The following STK4 variants were observed in gnomAD, a reference collection of about 807,000 sequenced individuals.
STK4 encodes serine/threonine kinase 4, also known as serine/threonine-protein kinase 4.
A neutral mutation model predicts 64.9 loss-of-function variants in STK4; 30 were observed. The ratio of observed to expected loss-of-function variants is 0.46; its 90% CI spans 0.35 to 0.63. STK4 has a LOEUF of 0.63. STK4 is among the 20% of genes least tolerant of loss of function. The pLI is 0.01. For missense variants in STK4, 466 were observed against 598.5 expected (o/e 0.78, Z 2.31); for synonymous variants, 177 against 199.0 (o/e 0.89, Z 0.93).
At chr20:44,969,662 G>A (rs2067211303) in intron 1 of STK4, among the ~76,000 whole-genome samples, 1 of 152,198 alleles carries the variant, frequency 6.6e-6, no homozygotes, top group African/African-American at 2.4e-5. Flanking sequence ...CTTAGGAGAG[G>A]AGCATCCACC....
chr20:45,015,175 T>C (rs772245273), intron 9 of STK4, among the ~76,000 whole-genome samples: 1 of 152,250 alleles, frequency 6.6e-6, no homozygotes, highest in Non-Finnish European at 1.5e-5. Context: ...TTCCTCATGT[T>C]GAAATCAGGT....
In STK4 at chr20:45,078,967, A is replaced by C. The variant is rs1225726164; in HGVS notation, c.*3791A>C. 6.6e-6 allele frequency: 1 copy of C among 152,150 alleles called. No homozygotes were observed. Among genetic ancestry groups the C allele is most frequent in the Non-Finnish European group, 1.5e-5 (1 of 68,032 alleles). The allele number at this position is 152,150 out of a possible 1,614,324, so 9.4% of individuals were successfully genotyped here. On this transcript the variant is annotated 3_prime_UTR_variant, in exon 11 of 11. Transcript: ENST00000372806. ...TTCAACATCATAAACAAATTCCTTG[A>C]AAAATAAAAAGTACCAAAATTCATT...
intron 9 of STK4, among the ~76,000 whole-genome samples, chr20:45,015,312 G>A (rs944405209): frequency 3.9e-5 from 6 of 152,130 alleles, no homozygotes; most frequent in Non-Finnish European, 8.8e-5. Context: ...GTTTGAAAGG[G>A]GTTGTTAGAA....
chr20:44,968,284 C>T lies in STK4; in HGVS notation c.35+1681C>T, dbSNP rs760732509. ...TCCTGTGTAACTGGGACCACAGGTG[C>T]GTGCCACCACGCCTGGCTAATTTTT... On this transcript the variant is annotated intron_variant, in intron 1 of 10. Coordinates refer to ENST00000372806, the MANE Select transcript of STK4 (RefSeq NM_006282.5). Among the ~76,000 whole-genome samples the T allele has an allele frequency of 7.9e-4, 120 of 152,150 alleles. 1 individual carries two copies. Among genetic ancestry groups the T allele is most frequent in the Non-Finnish European group, 3.4e-4 (23 of 68,024 alleles).
At chr20:45,048,627 T>C (rs180912575) in intron 10 of STK4, among the ~76,000 whole-genome samples, 1 of 152,096 alleles carries the variant, frequency 6.6e-6, no homozygotes, top group East Asian at 1.9e-4. Context: ...TGCCTCAGCC[T>C]CCCGCCACCA....
intron 10 of STK4, among the ~76,000 whole-genome samples, chr20:45,032,406 G>C (rs1354816750): frequency 6.6e-6 from 1 of 152,068 alleles, no homozygotes; most frequent in South Asian, 2.1e-4. Flanking sequence ...GTAGTTTTTC[G>C]ATCCTCACCC....
At chr20:45,023,417 T>G (rs1254280910) in intron 9 of STK4, among the ~76,000 whole-genome samples, 2 of 151,964 alleles carry the variant, frequency 1.3e-5, no homozygotes, top group African/African-American at 4.8e-5. Context: ...AGACCAAGGG[T>G]GCCTGGAGAG....
Position 45,070,402 on chromosome 20 carries a change from T to C in STK4, c.1306-4616T>C, listed in dbSNP as rs78766208. 6.7e-3 allele frequency among the ~76,000 whole-genome samples: 1,020 copies of C among 152,098 alleles called. 31 individuals carry two copies. The East Asian group carries it at 0.099, about 15-fold the overall frequency. Reference sequence around the variant, plus strand: ...TTATACCAATATTTCAGGGACAAAATTGATAGGACTGCTAAAGGATTGGAT... The same window carrying C: ...TTATACCAATATTTCAGGGACAAAACTGATAGGACTGCTAAAGGATTGGAT... On this transcript the variant is annotated intron_variant, in intron 10 of 10. Transcript: ENST00000372806.
intron 10 of STK4, among the ~76,000 whole-genome samples, chr20:45,037,364 A>G (rs1466015085): frequency 2.6e-5 from 4 of 152,020 alleles, no homozygotes; most frequent in South Asian, 2.1e-4. Context: ...TTAATGCCCA[A>G]TGTACCCTTT....
At chr20:44,988,541 A>ATG (rs1464378385) in intron 5 of STK4, among the ~76,000 whole-genome samples, 13 of 123,672 alleles carry the variant, frequency 1.1e-4, no homozygotes, top group African/African-American at 1.6e-4. Flanking sequence ...GTGTATATAT[A>ATG]TATATATATA....
At chr20:45,046,737 A>G (rs984231986) in intron 10 of STK4, among the ~76,000 whole-genome samples, 2 of 150,918 alleles carry the variant, frequency 1.3e-5, no homozygotes, top group Non-Finnish European at 2.9e-5. Context: ...GCTGGAGTGC[A>G]GTGGCGTGAT....
intron 7 of STK4, among the ~76,000 whole-genome samples, chr20:44,999,240 G>GA (rs1474818479): frequency 6.6e-6 from 1 of 152,170 alleles, no homozygotes; most frequent in African/African-American, 2.4e-5. Flanking sequence ...TTTCTAAGTG[G>GA]AAAGAACAAG....
At chr20:45,018,202 AGTTGTTGTT>A (rs555205856) in intron 9 of STK4, among the ~76,000 whole-genome samples, 8 of 151,930 alleles carry the variant, frequency 5.3e-5, no homozygotes, top group South Asian at 2.1e-4. Flanking sequence ...GGATTACCAG[AGTTGTTGTT>A]GTTGTTGTTG....
intron 10 of STK4, among the ~76,000 whole-genome samples, chr20:45,071,391 C>CA (rs1980054047): frequency 6.6e-6 from 1 of 152,180 alleles, no homozygotes; most frequent in East Asian, 1.9e-4. Context: ...CACTTGGCGC[C>CA]ATGAAACTAT....
intron 5 of STK4, among the ~76,000 whole-genome samples, chr20:44,992,205 C>T (rs188717156): frequency 1.7e-4 from 26 of 151,696 alleles, no homozygotes; most frequent in Non-Finnish European, 3.2e-4. Context: ...ATCCTTTTCT[C>T]CTTAACATTA....
chr20:45,040,843 A>G (rs2068602247), intron 10 of STK4, among the ~76,000 whole-genome samples: 1 of 152,028 alleles, frequency 6.6e-6, no homozygotes. Context: ...TTCCTTAACC[A>G]CTTTCATCCC....
At chr20:44,997,942 T>C (rs1281847799) in intron 7 of STK4, among the ~76,000 whole-genome samples, 3 of 152,102 alleles carry the variant, frequency 2.0e-5, no homozygotes, top group African/African-American at 7.2e-5. Flanking sequence ...GTTTTATAGA[T>C]AAAAAATGGA....
At position 44,997,295 on chromosome 20, in the gene STK4, C is replaced by G; in HGVS notation, c.820C>G (p.Gln274Glu). ...KSPEQRATAT[Q>E]LLQHPFVRSA... Reference sequence around the variant, plus strand: ...CCCTGAGCAGAGGGCCACAGCCACTCAGCTCCTGCAGGTATGAATCACCCT... The same window carrying G: ...CCCTGAGCAGAGGGCCACAGCCACTGAGCTCCTGCAGGTATGAATCACCCT... The change falls in exon 7 of 11, where the codon CAG becomes GAG. Residue 274 changes from glutamine to glutamate, a missense_variant. Around this residue, in one of 2 missense-constraint regions of STK4, gnomAD observed 276 missense variants for 308.9 expected, o/e 0.89. Coordinates refer to ENST00000372806, the MANE Select transcript of STK4 (RefSeq NM_006282.5). 6.3e-7 allele frequency: 1 copy of G among 1,597,472 alleles called. No individual in the cohort carries two copies. The highest frequency in any genetic ancestry group is 8.5e-7 in the Non-Finnish European group (1 of 1,174,362).
intron 9 of STK4, among the ~76,000 whole-genome samples, chr20:45,023,903 T>TC (rs1450687090): frequency 7.0e-6 from 1 of 142,500 alleles, no homozygotes; most frequent in East Asian, 2.0e-4. Context: ...TTCTTTTTTT[T>TC]TTTTTTTTTT....
Sources: gnomAD v4.1 joint callset for allele counts (sites outside exome capture counted in the v4.1 genomes callset) on GRCh38, gnomAD v4.1.1 for gene constraint, gnomAD v4.1.1 regional missense constraint, MANE v1.5 for transcripts, NCBI Gene and HGNC (gene_info 2026-07-23, HGNC 2026-07-21) for gene names.